LHPP: variants seen among roughly 807,000 people sequenced by gnomAD.
LHPP encodes the protein phospholysine phosphohistidine inorganic pyrophosphate phosphatase.
A neutral mutation model predicts 30.3 loss-of-function variants in LHPP; 24 were observed. The ratio of observed to expected loss-of-function variants is 0.79; its 90% CI spans 0.57 to 1.11. The LOEUF (loss-of-function observed/expected upper bound fraction) is 1.11. Among genes scored for constraint, LHPP ranks in the 50% most tolerant of loss-of-function variants. The pLI, the probability that LHPP is intolerant of heterozygous loss-of-function variation, is 0.00. For synonymous variants in LHPP, 150 were observed against 157.1 expected, an observed-to-expected ratio of 0.95 and a Z score of 0.34; for missense variants, 356 against 367.2, an observed-to-expected ratio of 0.97 and a Z score of 0.25.
intron 6 of LHPP, among the ~76,000 whole-genome samples, chr10:124,558,474 GT>G (rs1376676362): frequency 6.6e-6 from 1 of 152,232 alleles, no homozygotes; most frequent in African/African-American, 2.4e-5. Flanking sequence ...GAGCTGCTCT[GT>G]CCCCGCTTGG....
intron 6 of LHPP, among the ~76,000 whole-genome samples, chr10:124,565,939 A>G (rs965040345): frequency 6.6e-6 from 1 of 152,206 alleles, no homozygotes; most frequent in African/African-American, 2.4e-5. Flanking sequence ...ACTGGAGAAG[A>G]CCAAGAAAGC....
intron 6 of LHPP, among the ~76,000 whole-genome samples, chr10:124,611,127 GGCCGT>G (rs754417890): frequency 4.6e-5 from 7 of 151,932 alleles, no homozygotes; most frequent in South Asian, 2.1e-4. Context: ...GCAGCAGAGT[GGCCGT>G]GCTTGGGACG....
At position 124,592,956 on chromosome 10, in the gene LHPP, A is replaced by C. The variant is rs1210031059; in HGVS notation, c.717-20308A>C. On this transcript the variant is annotated intron_variant, in intron 6 of 6. Coordinates refer to ENST00000368842, the MANE Select transcript of LHPP (RefSeq NM_022126.4). The surrounding 1 kb of genome is among the most constrained non-coding windows in gnomAD (Gnocchi z 6.2). ...GCGTCCCGGGGGCCAGAATGAATGGACCCTCACTGGGCCGCTTTGACAGTT... is the reference window on the plus strand; with the variant it reads ...GCGTCCCGGGGGCCAGAATGAATGGCCCCTCACTGGGCCGCTTTGACAGTT... Among the ~76,000 whole-genome samples, 2 of 152,178 alleles carry C rather than the reference A, an allele frequency of 1.3e-5. No homozygotes were observed. Among genetic ancestry groups the C allele is most frequent in the Non-Finnish European group, 2.9e-5 (2 of 68,022 alleles).
intron 6 of LHPP, among the ~76,000 whole-genome samples, chr10:124,606,283 G>GA (rs1554898590): frequency 1.3e-5 from 2 of 151,848 alleles, no homozygotes; most frequent in African/African-American, 2.4e-5. Flanking sequence ...TTCTCGGGGG[G>GA]ACAGCAGCAA....
chr10:124,486,522 G>T (rs750751798), intron 2 of LHPP, among the ~76,000 whole-genome samples: 1 of 152,254 alleles, frequency 6.6e-6, no homozygotes, highest in Non-Finnish European at 1.5e-5. Context: ...ATGGGGCAAA[G>T]TCTAGGAGAA....
intron 6 of LHPP, among the ~76,000 whole-genome samples, chr10:124,609,928 A>G (rs1949146753): frequency 6.6e-6 from 1 of 152,194 alleles, no homozygotes. Flanking sequence ...GACTTTTGCT[A>G]TTGCAACTAA....
chr10:124,498,229 G>A lies in LHPP; in HGVS notation c.624+101G>A. On this transcript the variant is annotated intron_variant, in intron 5 of 6. Coordinates refer to ENST00000368842, the MANE Select transcript of LHPP (RefSeq NM_022126.4). ...AGGACTCAGGCAGCCTGTGGGGTTG[G>A]CCAGGCAGCCAAGCGTGGGCTCCCT... 3.4e-6 allele frequency: 5 copies of A among 1,490,566 alleles called. No individual in the cohort carries two copies. In the South Asian group the frequency reaches 5.7e-5, roughly 17 times the overall value. 92.3% of individuals were successfully genotyped at this position (1,490,566 alleles called of 1,614,324 possible).
rs546632352 is a variant in LHPP, at chr10:124,572,884, C to T, written c.717-40380C>T. Among the ~76,000 whole-genome samples, 4 of 152,306 alleles carry T rather than the reference C, an allele frequency of 2.6e-5. No individual in the cohort carries two copies. The East Asian group carries it at 7.7e-4, about 29-fold the overall frequency. The stretch of plus-strand genomic sequence containing the variant: ...CTGTGGTCCCTGTCGTGTGTAGAAA[C>T]ACATACTCTGTACGTTGCTGGGATC... On this transcript the variant is annotated intron_variant, in intron 6 of 6. Coordinates refer to ENST00000368842, the MANE Select transcript of LHPP (RefSeq NM_022126.4).
chr10:124,490,772 C>T (rs1953497724), intron 3 of LHPP, among the ~76,000 whole-genome samples: 2 of 152,224 alleles, frequency 1.3e-5, no homozygotes, highest in Non-Finnish European at 1.5e-5. Flanking sequence ...GGCATGTTGC[C>T]AAGTTGTTTC....
At chr10:124,525,329 T>G (rs898142557) in intron 6 of LHPP, among the ~76,000 whole-genome samples, 1 of 152,242 alleles carries the variant, frequency 6.6e-6, no homozygotes, top group Non-Finnish European at 1.5e-5. Context: ...TGAGTCCTTC[T>G]GGGGCGGATC....
intron 1 of LHPP, among the ~76,000 whole-genome samples, chr10:124,481,768 C>G (rs1953143851): frequency 6.6e-6 from 1 of 152,190 alleles, no homozygotes; most frequent in Non-Finnish European, 1.5e-5. Flanking sequence ...TTCTTTCTAT[C>G]CGAGAGGGTG....
chr10:124,613,227 G>GT, intron 6 of LHPP, 37 bp from the exon 7 acceptor site: 1 of 1,497,034 alleles, frequency 6.7e-7, no homozygotes, highest in Non-Finnish European at 9.3e-7. Context: ...AGGGGTCAGC[G>GT]TGGGGGCACT....
In LHPP at chr10:124,575,164, C is replaced by T. The variant is rs114577121; in HGVS notation, c.717-38100C>T. 8.8e-3 allele frequency among the ~76,000 whole-genome samples: 1,338 copies of T among 152,102 alleles called. 19 individuals are homozygous for T. The highest frequency in any genetic ancestry group is 0.03 in the African/African-American group (1,229 of 41,486). On this transcript the variant is annotated intron_variant, in intron 6 of 6. Coordinates refer to ENST00000368842, the MANE Select transcript of LHPP (RefSeq NM_022126.4). ...TACAAAGGGCAAAATAGGAAGTTTA[C>T]GGTGGAGAATCCTGGTGGACACAGC...
rs950771268 is a variant in LHPP at position 124,596,922 on chromosome 10, A to C, written c.717-16342A>C. 2.6e-5 allele frequency among the ~76,000 whole-genome samples: 4 copies of C among 152,184 alleles called. No individual in the cohort carries two copies. The highest frequency in any genetic ancestry group is 9.7e-5 in the African/African-American group (4 of 41,432). On this transcript the variant is annotated intron_variant, in intron 6 of 6. Transcript: ENST00000368842. The surrounding 1 kb of genome is among the most constrained non-coding windows in gnomAD (Gnocchi z 4.6). ...AGGAGACTGACTTTTGAGTCGGTGG[A>C]CCGGGTGACGGAGACCCACCCTCCG...
At position 124,523,975 on chromosome 10, in the gene LHPP, G is replaced by A. The variant is rs1954670036; in HGVS notation, c.716+6704G>A. ...GGTGGGCACTTCTGGGCTCAGAGGG[G>A]TCATTTAGCTCACCTGAGGTCACAC... On this transcript the variant is annotated intron_variant, in intron 6 of 6. Coordinates refer to ENST00000368842, the MANE Select transcript of LHPP (RefSeq NM_022126.4). This position sits in a 1 kb window ranked among gnomAD's most constrained non-coding sequence, Gnocchi z 4.2. 6.6e-6 allele frequency among the ~76,000 whole-genome samples: 1 copy of A among 152,318 alleles called. No homozygotes were observed.
At chr10:124,581,269 A>G (rs1948739196) in intron 6 of LHPP, among the ~76,000 whole-genome samples, 1 of 152,110 alleles carries the variant, frequency 6.6e-6, no homozygotes, top group African/African-American at 2.4e-5. Flanking sequence ...GCTCCACTGT[A>G]TGGATAGAAC....
intron 6 of LHPP, among the ~76,000 whole-genome samples, chr10:124,528,061 CTT>C (rs10545151): frequency 0.52 from 79,109 of 151,818 alleles, 21,246 homozygotes; most frequent in South Asian, 0.68. Flanking sequence ...TGAGCATGAT[CTT>C]TTTGCCTTGC....
At chr10:124,519,443 T>C (rs1465183510) in intron 6 of LHPP, among the ~76,000 whole-genome samples, 1 of 152,226 alleles carries the variant, frequency 6.6e-6, no homozygotes, top group African/African-American at 2.4e-5. Context: ...TTTTTGGTAA[T>C]TTTTAAAATT....
intron 1 of LHPP, among the ~76,000 whole-genome samples, chr10:124,479,916 C>A (rs1057222345): frequency 6.6e-6 from 1 of 152,132 alleles, no homozygotes; most frequent in African/African-American, 2.4e-5. Context: ...CTCATAGGCT[C>A]GTTTACCCAG....
Sources: allele counts gnomAD v4.1 joint callset (sites outside exome capture counted in the v4.1 genomes callset), GRCh38; gene constraint gnomAD v4.1.1; non-coding constraint Gnocchi (gnomAD v3.1); transcripts MANE v1.5; gene names NCBI Gene and HGNC (gene_info 2026-07-23, HGNC 2026-07-21).